ITGA11: variants seen among roughly 807,000 people sequenced by gnomAD.
ITGA11 encodes integrin alpha-11.
A neutral mutation model predicts 141.9 loss-of-function variants in ITGA11; 97 were observed. The ratio of observed to expected loss-of-function variants is 0.68; its 90% CI spans 0.58 to 0.81. The LOEUF (loss-of-function observed/expected upper bound fraction) is 0.81. Ranked by LOEUF, ITGA11 falls within the 30% of genes least tolerant of loss-of-function variation. ITGA11 has a pLI of 0.00. For missense variants in ITGA11, 1,387 were observed against 1,559.2 expected (o/e 0.89, Z 1.86); for synonymous variants, 658 against 624.6 (o/e 1.05, Z -0.80).
intron 2 of ITGA11, among the ~76,000 whole-genome samples, chr15:68,399,164 A>T (rs1011712374): frequency 2.6e-5 from 4 of 152,226 alleles, no homozygotes; most frequent in African/African-American, 9.6e-5. Context: ...AGGGCAAAGG[A>T]CATGAACAGA....
At chr15:68,389,813 G>T (rs1320782359) in intron 2 of ITGA11, among the ~76,000 whole-genome samples, 1 of 152,182 alleles carries the variant, frequency 6.6e-6, no homozygotes, top group East Asian at 1.9e-4. Flanking sequence ...CTCTCCAGGG[G>T]TGAGAGCTTC....
chr15:68,316,100 T>TGG (rs1180961135), intron 21 of ITGA11, among the ~76,000 whole-genome samples: 7 of 152,198 alleles, frequency 4.6e-5, no homozygotes, highest in Non-Finnish European at 1.0e-4. Flanking sequence ...GAAGGGCCGA[T>TGG]GGCCATCGCC....
chr15:68,398,193 A>C (rs1896369438), intron 2 of ITGA11, among the ~76,000 whole-genome samples: 1 of 151,862 alleles, frequency 6.6e-6, no homozygotes, highest in Non-Finnish European at 1.5e-5. Flanking sequence ...GCTCCAATTA[A>C]AAGACACAGA....
Position 68,331,934 on chromosome 15 carries a change from G to A in ITGA11, c.1695C>T (p.Pro565=). Residue 565 remains proline, a synonymous_variant, in exon 14 of 30, where the codon CCC becomes CCT. Coordinates refer to ENST00000315757, the MANE Select transcript of ITGA11 (RefSeq NM_001004439.2). The part of the protein sequence containing the change: ...DSYNDVVVGA[P]LEDNHAGAIY... ...TGGCTCCTGCGTGGTTGTCCTCCAG[G>A]GGGGCTCCCACCACCACGTCATTGT... 6.2e-7 allele frequency: 1 copy of A among 1,613,492 alleles called. No individual in the cohort carries two copies. Among genetic ancestry groups the A allele is most frequent in the South Asian group, 1.1e-5 (1 of 90,876 alleles).
chr15:68,345,671 G>A (rs1567137996), intron 10 of ITGA11, among the ~76,000 whole-genome samples: 1 of 152,244 alleles, frequency 6.6e-6, no homozygotes, highest in Non-Finnish European at 1.5e-5. Flanking sequence ...GGCAGCAGCT[G>A]TTTGAGACCA....
At chr15:68,431,018 G>T (rs1897255694) in intron 1 of ITGA11, among the ~76,000 whole-genome samples, 1 of 152,248 alleles carries the variant, frequency 6.6e-6, no homozygotes, top group African/African-American at 2.4e-5. Flanking sequence ...AGAAGGGGAG[G>T]CAAGGTTGAG....
At position 68,390,067 on chromosome 15, in the gene ITGA11, C is replaced by T. The variant is rs376922938; in HGVS notation, c.164+12851G>A. On this transcript the variant is annotated intron_variant, in intron 2 of 29. Transcript: ENST00000315757. ...AAAGCAGGGGCAGAGAACACTCAGC[C>T]CAAGAGGAATTTGTTTTCTCTTTCC... 1.6e-4 allele frequency among the ~76,000 whole-genome samples: 25 copies of T among 152,242 alleles called. No individual in the cohort carries two copies. The East Asian group carries it at 3.9e-3, about 23-fold the overall frequency.
chr15:68,320,533 T>A lies in ITGA11; in HGVS notation c.2409-141A>T, dbSNP rs1595857211. The A allele has an allele frequency of 1.1e-5, 7 of 639,934 alleles. No homozygotes were observed. In the South Asian group the frequency reaches 1.4e-4, roughly 12 times the overall value. The allele number at this position is 639,934 out of a possible 1,614,324, so 39.6% of individuals were successfully genotyped here. A position where few individuals can be genotyped will look rare whatever the true frequency, so the allele number is the denominator to read the frequency against. On this transcript the variant is annotated intron_variant, in intron 19 of 29. Transcript: ENST00000315757. ...ATGGGAATAGCCACTGGGAGGAGAG[T>A]GGAAATGGATGGCAGGGCTGGAAAG... is the stretch of plus-strand genomic sequence containing the variant.
At chr15:68,409,882 C>T (rs548025240) in intron 1 of ITGA11, among the ~76,000 whole-genome samples, 34 of 152,310 alleles carry the variant, frequency 2.2e-4, no homozygotes, top group Middle Eastern at 6.8e-3. Context: ...TCACGGGTCC[C>T]GTGCCATCCA....
intron 1 of ITGA11, among the ~76,000 whole-genome samples, chr15:68,414,295 T>C (rs1054173784): frequency 5.9e-5 from 9 of 152,142 alleles, no homozygotes; most frequent in African/African-American, 1.2e-4. Flanking sequence ...CCCTGAGGTC[T>C]TCTAGGAATG....
rs1041788992 is a variant in ITGA11, at chr15:68,421,136, A to G, written c.52+10879T>C. Among the ~76,000 whole-genome samples the G allele has an allele frequency of 2.3e-3, 30 of 12,940 alleles. 13 individuals carry two copies. Among genetic ancestry groups the G allele is most frequent in the African/African-American group, 9.4e-3 (7 of 742 alleles). The allele number at this position is 12,940 out of a possible 152,430, so 8.5% of individuals were successfully genotyped here. A position where few individuals can be genotyped will look rare whatever the true frequency, so the allele number is the denominator to read the frequency against. ...GGATTTAGCAGATGGGAGCCATGGA[A>G]GGTTTTTGAGGGAGAGCAGTGACAT... On this transcript the variant is annotated intron_variant, in intron 1 of 29. Transcript: ENST00000315757.
rs556727864 is a variant in ITGA11, at chr15:68,408,336, ACCTCT to A, written c.53-5312_53-5308del. Among the ~76,000 whole-genome samples, 372 of 152,034 alleles carry A rather than the reference ACCTCT, an allele frequency of 2.4e-3. 6 individuals carry two copies. The highest frequency in any genetic ancestry group is 2.1e-3 in the Admixed American group (32 of 15,268). ...GTGCCTTACTAATGGGTGACTGGTG[ACCTCT>A]CCTTTTCTTCTCACAGTTAGTAATT... On this transcript the variant is annotated intron_variant, in intron 1 of 29. Coordinates refer to ENST00000315757, the MANE Select transcript of ITGA11 (RefSeq NM_001004439.2).
chr15:68,350,603 C>A lies in ITGA11; in HGVS notation c.1060+14G>T. ...CAGGAGAGAGTGGATCCCCTCTTAG[C>A]ATGCATTGCTTACCTTCCAGGCTGA... On this transcript the variant is annotated intron_variant, in intron 9 of 29. Transcript: ENST00000315757. The A allele has an allele frequency of 6.2e-7, 1 of 1,609,736 alleles. No homozygotes were observed. Among genetic ancestry groups the A allele is most frequent in the Non-Finnish European group, 8.5e-7 (1 of 1,177,426 alleles).
In ITGA11 at chr15:68,403,036, C is replaced by G; in HGVS notation, c.53-7G>C. The G allele has an allele frequency of 2.5e-6, 4 of 1,598,498 alleles. No homozygotes were observed. In the South Asian group the frequency reaches 4.4e-5, roughly 18 times the overall value. The stretch of plus-strand genomic sequence containing the variant: ...TTGAAGGTGTCCGTGAACCCTGAGG[C>G]AGGGGGAGAGGAGAGGAGAAGCAGG... On this transcript the variant is annotated splice_polypyrimidine_tract_variant and splice_region_variant and intron_variant, in intron 1 of 29. Coordinates refer to ENST00000315757, the MANE Select transcript of ITGA11 (RefSeq NM_001004439.2).
In ITGA11 at chr15:68,299,862, G is replaced by A. The variant is rs1892989160; in HGVS notation, c.*3197C>T. On this transcript the variant is annotated 3_prime_UTR_variant, in exon 30 of 30. Transcript: ENST00000315757. The stretch of plus-strand genomic sequence containing the variant: ...TGTCCCTAGGCAGAGCTATTCCATA[G>A]TGTCTCCATTGTGTTTGCATTAGCA... 1 of 152,160 alleles carries A rather than the reference G, an allele frequency of 6.6e-6. No homozygotes were observed. The highest frequency in any genetic ancestry group is 1.5e-5 in the Non-Finnish European group (1 of 68,040). The allele number at this position is 152,160 out of a possible 1,614,324, so 9.4% of individuals were successfully genotyped here.
chr15:68,337,292 G>C (rs183971305), intron 11 of ITGA11, among the ~76,000 whole-genome samples: 4 of 152,320 alleles, frequency 2.6e-5, no homozygotes, highest in Admixed American at 2.6e-4. Context: ...TCTCTGGCCA[G>C]CAGGAAGGGC....
intron 2 of ITGA11, among the ~76,000 whole-genome samples, chr15:68,389,274 C>G (rs564615413): frequency 6.6e-6 from 1 of 152,230 alleles, no homozygotes; most frequent in Non-Finnish European, 1.5e-5. Flanking sequence ...CATCTGAGAT[C>G]GGGGTTCTGT....
chr15:68,337,887 T>C (rs530730019), intron 11 of ITGA11, among the ~76,000 whole-genome samples: 3 of 152,338 alleles, frequency 2.0e-5, no homozygotes, highest in East Asian at 1.9e-4. Flanking sequence ...ATTTCCCACA[T>C]GTTCCTCCTT....
Position 68,378,581 on chromosome 15 carries a change from T to A in ITGA11, c.165-9297A>T, listed in dbSNP as rs992863252. Among the ~76,000 whole-genome samples the A allele has an allele frequency of 3.9e-5, 6 of 152,162 alleles. No homozygotes were observed. In the East Asian group the frequency reaches 7.7e-4, roughly 20 times the overall value. On this transcript the variant is annotated intron_variant, in intron 2 of 29. Transcript: ENST00000315757. Reference sequence around the variant, plus strand: ...TCACTTGAGTCCAGGAGGTCAAGGCTGCAGTAAGCTATGATCATGCCACTG... The same window carrying A: ...TCACTTGAGTCCAGGAGGTCAAGGCAGCAGTAAGCTATGATCATGCCACTG...
Sources: allele counts gnomAD v4.1 joint callset (sites outside exome capture counted in the v4.1 genomes callset), GRCh38; gene constraint gnomAD v4.1.1; transcripts MANE v1.5; gene names NCBI Gene and HGNC (gene_info 2026-07-23, HGNC 2026-07-21).